Variants in STARD13 observed in about 807,000 individuals in gnomAD.
STARD13 encodes StAR related lipid transfer domain containing 13.
A neutral mutation model predicts 106.4 loss-of-function variants in STARD13; 62 were observed. That is an observed-to-expected ratio of 0.58 (90% confidence interval 0.48 to 0.72). The LOEUF (loss-of-function observed/expected upper bound fraction) is 0.72. Among genes scored for constraint, STARD13 ranks in the 30% least tolerant of loss-of-function variants. The pLI is 0.00. For synonymous variants in STARD13, 565 were observed against 553.0 expected (o/e 1.02, Z -0.31); for missense variants, 1,387 against 1,424.0 (o/e 0.97, Z 0.42).
chr13:33,410,009 C>T, the STARD13 span, among the ~76,000 whole-genome samples: 2 of 152,236 alleles, frequency 1.3e-5, no homozygotes, highest in South Asian at 4.1e-4. Context: ...CTTCCCTGGT[C>T]TGTGTTGCAC....
the STARD13 span, among the ~76,000 whole-genome samples, chr13:33,406,654 C>G: frequency 6.6e-6 from 1 of 152,234 alleles, no homozygotes; most frequent in Non-Finnish European, 1.5e-5. Flanking sequence ...CTGTAAGGCA[C>G]ATCCAAGCCT....
the STARD13 span, among the ~76,000 whole-genome samples, chr13:33,560,118 T>G: frequency 6.6e-6 from 1 of 151,534 alleles, no homozygotes; most frequent in Non-Finnish European, 1.5e-5. Flanking sequence ...AAACTGTTGC[T>G]GACATGGTAG....
the STARD13 span, among the ~76,000 whole-genome samples, chr13:33,605,388 T>C: frequency 6.6e-6 from 1 of 151,488 alleles, no homozygotes; most frequent in African/African-American, 2.4e-5. Context: ...CAGTCTTGTT[T>C]TATTTTTTAT....
chr13:33,380,167 C>T, the STARD13 span, among the ~76,000 whole-genome samples: 1 of 152,102 alleles, frequency 6.6e-6, no homozygotes, highest in African/African-American at 2.4e-5. Context: ...GGGCGGATCA[C>T]CTGAGGTGAG....
At chr13:33,521,731 T>G in the STARD13 span, among the ~76,000 whole-genome samples, 2 of 152,098 alleles carry the variant, frequency 1.3e-5, no homozygotes, top group African/African-American at 4.8e-5. Context: ...GACCGGAAAA[T>G]TAAATATTCC....
chr13:33,546,463 A>G, the STARD13 span, among the ~76,000 whole-genome samples: 5 of 152,124 alleles, frequency 3.3e-5, no homozygotes, highest in African/African-American at 4.8e-5. Flanking sequence ...ATTCATTGGT[A>G]GTTGAGTCTC....
At chr13:33,561,068 A>T in the STARD13 span, among the ~76,000 whole-genome samples, 4 of 151,546 alleles carry the variant, frequency 2.6e-5, no homozygotes, top group African/African-American at 4.9e-5. Context: ...AATCTTGTCT[A>T]TGTTACTTCT....
At chr13:33,333,258 C>A (rs9569351) in intron 1 of STARD13, among the ~76,000 whole-genome samples, 86,071 of 151,708 alleles carry the variant, frequency 0.57, 25,783 homozygotes, top group East Asian at 0.92. Flanking sequence ...GGCTTGGTGG[C>A]GGGCACCAAA....
At chr13:33,302,420 T>G (rs1377598670) in intron 1 of STARD13, among the ~76,000 whole-genome samples, 1 of 152,190 alleles carries the variant, frequency 6.6e-6, no homozygotes, top group African/African-American at 2.4e-5. Flanking sequence ...TTTAATTTAA[T>G]TTTTCTGTTT....
chr13:33,372,637 G>A, the STARD13 span, among the ~76,000 whole-genome samples: 1 of 151,474 alleles, frequency 6.6e-6, no homozygotes, highest in African/African-American at 2.4e-5. Flanking sequence ...CTATTCCACA[G>A]AAGGCACATG....
chr13:33,314,228 G>T (rs912074758), intron 1 of STARD13, among the ~76,000 whole-genome samples: 4 of 152,130 alleles, frequency 2.6e-5, no homozygotes, highest in Non-Finnish European at 5.9e-5. Flanking sequence ...CCAAGCTGAG[G>T]GATAAGAACT....
chr13:33,383,772 A>G, the STARD13 span: 17 of 151,708 alleles, frequency 1.1e-4, 1 homozygote, highest in Non-Finnish European at 5.8e-5. Flanking sequence ...AAAAAAAAAA[A>G]AAAAAAAAAA....
chr13:33,220,214 T>C (rs1888279318), intron 1 of STARD13, among the ~76,000 whole-genome samples: 1 of 151,962 alleles, frequency 6.6e-6, no homozygotes, highest in African/African-American at 2.4e-5. Context: ...TATAGCAAAC[T>C]GAATGGCTAG....
At chr13:33,423,139 C>T in the STARD13 span, among the ~76,000 whole-genome samples, 4 of 152,128 alleles carry the variant, frequency 2.6e-5, no homozygotes, top group African/African-American at 9.7e-5. Context: ...AAGAAACTAC[C>T]ATCAGAGTGA....
At chr13:33,429,973 A>C in the STARD13 span, among the ~76,000 whole-genome samples, 1 of 150,376 alleles carries the variant, frequency 6.6e-6, no homozygotes, top group Non-Finnish European at 1.5e-5. Flanking sequence ...GCTGGAGTGC[A>C]GTGGCGCGAT....
the STARD13 span, among the ~76,000 whole-genome samples, chr13:33,412,522 C>A: frequency 6.6e-6 from 1 of 151,918 alleles, no homozygotes; most frequent in East Asian, 1.9e-4. Flanking sequence ...TAATTAAAGA[C>A]AAAAATTGAA....
rs2138378506 is a variant in STARD13 at position 33,168,089 on chromosome 13, C to T, written c.170-467G>A. ...CTTGGGATAACTTTAAGAAAGACTA[C>T]AACTAGATTGCCTATGAAAATGTAT... On this transcript the variant is annotated intron_variant, in intron 1 of 13. Coordinates refer to ENST00000336934, the MANE Select transcript of STARD13 (RefSeq NM_178006.4). Among the ~76,000 whole-genome samples the T allele has an allele frequency of 1.3e-5, 2 of 151,248 alleles. 1 individual carries two copies. The highest frequency in any genetic ancestry group is 4.2e-4 in the South Asian group (2 of 4,774).
the STARD13 span, among the ~76,000 whole-genome samples, chr13:33,577,957 G>A: frequency 2.6e-5 from 4 of 151,756 alleles, no homozygotes; most frequent in Non-Finnish European, 2.9e-5. Context: ...GCATATAAAG[G>A]TCTCTACAAG....
At chr13:33,223,222 A>G (rs1888447287) in intron 1 of STARD13, among the ~76,000 whole-genome samples, 1 of 152,222 alleles carries the variant, frequency 6.6e-6, no homozygotes, top group African/African-American at 2.4e-5. Flanking sequence ...CAGGCAATAC[A>G]TGGTTATAGA....
Sources: gnomAD v4.1 joint callset for allele counts (sites outside exome capture counted in the v4.1 genomes callset) on GRCh38, gnomAD v4.1.1 for gene constraint, MANE v1.5 for transcripts, NCBI Gene and HGNC (gene_info 2026-07-23, HGNC 2026-07-21) for gene names.